KIFBP: variants seen among roughly 807,000 people sequenced by gnomAD.
KIFBP encodes kinesin family binding protein.
KIFBP carries 46 observed loss-of-function variants against 58.9 expected under a neutral mutation model. That is an observed-to-expected ratio of 0.78 (90% confidence interval 0.62 to 1.00). The LOEUF (loss-of-function observed/expected upper bound fraction) is 1.00. Among genes scored for constraint, KIFBP ranks in the 50% least tolerant of loss-of-function variants. KIFBP has a pLI of 0.00. For missense variants in KIFBP, 651 were observed against 752.9 expected, an observed-to-expected ratio of 0.86 and a Z score of 1.58; for synonymous variants, 241 against 283.4, an observed-to-expected ratio of 0.85 and a Z score of 1.50.
Position 68,988,830 on chromosome 10 carries a change from G to T in KIFBP, c.-3G>T. 6.2e-7 allele frequency: 1 copy of T among 1,614,258 alleles called. No homozygotes were observed. The highest frequency in any genetic ancestry group is 8.5e-7 in the Non-Finnish European group (1 of 1,180,044). Reference sequence around the variant, plus strand: ...TGAGGAAAGCCAGGCAGTAGAGGCCGCTATGGCGAACGTTCCGTGGGCAGA... The same window carrying T: ...TGAGGAAAGCCAGGCAGTAGAGGCCTCTATGGCGAACGTTCCGTGGGCAGA... On this transcript the variant is annotated 5_prime_UTR_variant, in exon 1 of 7. Coordinates refer to ENST00000361983, the MANE Select transcript of KIFBP (RefSeq NM_015634.4).
intron 3 of KIFBP, 58 bp from the exon 4 acceptor site, chr10:69,005,674 G>GGA: frequency 7.4e-7 from 1 of 1,342,514 alleles, no homozygotes; most frequent in Non-Finnish European, 1.0e-6. Context: ...CTCTGTCTCA[G>GGA]GAAAAAAAAA....
In KIFBP at chr10:68,998,771, A is replaced by ATAT. The variant is rs1357079794; in HGVS notation, c.427-1652_427-1651insATT. The stretch of plus-strand genomic sequence containing the variant: ...CATACATATATGTATATATATATAT[A>ATAT]TTTTTTTTTTTTTTTTTTTTTTGAG... On this transcript the variant is annotated intron_variant, in intron 1 of 6. Coordinates refer to ENST00000361983, the MANE Select transcript of KIFBP (RefSeq NM_015634.4). Among the ~76,000 whole-genome samples the ATAT allele has an allele frequency of 1.8e-3, 180 of 99,874 alleles. 2 individuals carry two copies. Among genetic ancestry groups the ATAT allele is most frequent in the East Asian group, 5.5e-3 (14 of 2,564 alleles). The allele number at this position is 99,874 out of a possible 152,430, so 65.5% of individuals were successfully genotyped here.
At position 69,011,681 on chromosome 10, in the gene KIFBP, ATCTTTT is replaced by A. The variant is rs1391338337; in HGVS notation, c.990+668_990+673del. The stretch of plus-strand genomic sequence containing the variant: ...TTACAGGTGTGAGCCACTGTGCCTA[ATCTTTT>A]TTTTTTTTTTTTTTTTTTTTTTTTT... On this transcript the variant is annotated intron_variant, in intron 6 of 6. Transcript: ENST00000361983. Among the ~76,000 whole-genome samples the A allele has an allele frequency of 5.1e-3, 486 of 96,130 alleles. 6 individuals carry two copies. Among genetic ancestry groups the A allele is most frequent in the African/African-American group, 0.02 (464 of 22,844 alleles). The allele number at this position is 96,130 out of a possible 152,430, so 63.1% of individuals were successfully genotyped here. A position where few individuals can be genotyped will look rare whatever the true frequency, so the allele number is the denominator to read the frequency against.
At chr10:69,005,594 TGAACCCAG>T (rs1726701937) in intron 3 of KIFBP, 130 bp from the exon 4 acceptor site, 3 of 659,516 alleles carry the variant, frequency 4.5e-6, no homozygotes, top group African/African-American at 3.7e-5. Flanking sequence ...GAGAATTGCT[TGAACCCAG>T]GAGGCGGAGG....
rs765711575 is a variant in KIFBP, at chr10:68,989,155, CGGAGGAGCTGTCGGCGGG to C, written c.332_349del (p.Leu111_Glu116del). On this transcript the variant is annotated inframe_deletion, in exon 1 of 7. Transcript: ENST00000361983. ...CACCTCGGGGTGAACCACATCGACACGGAGGAGCTGTCGGCGGGGGAGGAGCACCTGGTGAAATGCCTG... is the reference window on the plus strand; with the variant it reads ...CACCTCGGGGTGAACCACATCGACACGGAGGAGCACCTGGTGAAATGCCTG... The C allele has an allele frequency of 3.1e-6, 5 of 1,613,228 alleles. No individual in the cohort carries two copies. The African/African-American group carries it at 5.3e-5, about 17-fold the overall frequency.
chr10:69,008,391 A>AAAAAAAAAAAAAAATAT, intron 4 of KIFBP, among the ~76,000 whole-genome samples: 5 of 71,592 alleles, frequency 7.0e-5, no homozygotes, highest in African/African-American at 3.9e-4. Flanking sequence ...AAAAAAAAAA[A>AAAAAAAAAAAAAAATAT]ATATATATAT....
chr10:69,001,121 T>A (rs1283699747), intron 2 of KIFBP, among the ~76,000 whole-genome samples: 1 of 143,834 alleles, frequency 7.0e-6, no homozygotes, highest in East Asian at 2.0e-4. Context: ...TTTTCAATGA[T>A]TTTTTTTTTT....
intron 2 of KIFBP, among the ~76,000 whole-genome samples, chr10:69,003,654 G>A: frequency 6.6e-6 from 1 of 152,032 alleles, no homozygotes; most frequent in East Asian, 1.9e-4. Context: ...TTTTATAGAT[G>A]ACTAAACAGA....
At chr10:68,989,396 G>C in intron 1 of KIFBP, 138 bp downstream of exon 1, 1 of 959,174 alleles carries the variant, frequency 1.0e-6, no homozygotes, top group South Asian at 1.4e-5. Flanking sequence ...GAGTCCCAAA[G>C]AGCGTCTGTG....
At chr10:69,008,419 T>TATATATATATATATATATATATATA (rs1564637637) in intron 4 of KIFBP, among the ~76,000 whole-genome samples, 9 of 137,600 alleles carry the variant, frequency 6.5e-5, no homozygotes, top group African/African-American at 2.6e-4. Context: ...TATATATATA[T>TATATATATATATATATATATATATA]TCAGTCTTCT....
Position 69,015,948 on chromosome 10 carries a change from T to C in KIFBP, c.1398T>C (p.Tyr466=), listed in dbSNP as rs745389313. Residue 466 remains tyrosine, a synonymous_variant, in exon 7 of 7, where the codon TAT becomes TAC. Transcript: ENST00000361983. ...PLTVDLNPQY[Y]LLVNRQIQFE... ...CTGTAGACCTGAATCCACAGTATTATCTGTTGGTCAACAGACAGATCCAGT... is the reference window on the plus strand; with the variant it reads ...CTGTAGACCTGAATCCACAGTATTACCTGTTGGTCAACAGACAGATCCAGT... 3 of 1,614,200 alleles carry C rather than the reference T, an allele frequency of 1.9e-6. No homozygotes were observed. Among genetic ancestry groups the C allele is most frequent in the Non-Finnish European group, 2.5e-6 (3 of 1,180,036 alleles).
intron 1 of KIFBP, 93 bp from the exon 2 acceptor site, chr10:69,000,331 G>A (rs1423388429): frequency 1.2e-6 from 1 of 803,026 alleles, no homozygotes; most frequent in Admixed American, 1.7e-5. Flanking sequence ...TCTACTATTT[G>A]GTTGGTTATA....
In KIFBP at chr10:69,015,524, A is replaced by T. The variant is rs781589529; in HGVS notation, c.991-17A>T. 1.3e-6 allele frequency: 2 copies of T among 1,596,564 alleles called. No homozygotes were observed. Among genetic ancestry groups the T allele is most frequent in the Non-Finnish European group, 8.6e-7 (1 of 1,167,136 alleles). On this transcript the variant is annotated splice_polypyrimidine_tract_variant and intron_variant, in intron 6 of 6. Transcript: ENST00000361983. ...TGAGTGTCCTACTTAACCATAATTTATTTTTTTTTCCTTCAGGACAACATA... is the reference window on the plus strand; with the variant it reads ...TGAGTGTCCTACTTAACCATAATTTTTTTTTTTTTCCTTCAGGACAACATA...
In KIFBP at chr10:69,016,203, C is replaced by T. The variant is rs35893997; in HGVS notation, c.1653C>T (p.Ala551=). 101,573 of 1,612,732 alleles carry T rather than the reference C, an allele frequency of 0.063. 3,627 individuals carry two copies. The highest frequency in any genetic ancestry group is 0.12 in the Middle Eastern group (733 of 6,050). Residue 551 remains alanine (A), a synonymous_variant, in exon 7 of 7, where the codon GCC becomes GCT. Transcript: ENST00000361983. ...CCATGTTAGCTAAGTTTCGAGTTGC[C>T]CGTCTCTATGGCAAAATCATTACTG... ...RPAMLAKFRV[A]RLYGKIITAD... is the part of the protein sequence containing the mutation.
At chr10:69,003,717 T>G (rs1210255048) in intron 2 of KIFBP, among the ~76,000 whole-genome samples, 1 of 152,218 alleles carries the variant, frequency 6.6e-6, no homozygotes, top group African/African-American at 2.4e-5. Flanking sequence ...GAATCTGGTT[T>G]TAATGTCCCT....
chr10:69,005,166 A>G (rs1367563844), intron 3 of KIFBP, 41 bp downstream of exon 3: 6 of 1,352,834 alleles, frequency 4.4e-6, no homozygotes, highest in African/African-American at 2.9e-5. Context: ...ATATTTCCAC[A>G]TATCATAGAT....
At chr10:68,989,377 C>G (rs771132522) in intron 1 of KIFBP, 119 bp downstream of exon 1, 46 of 1,130,598 alleles carry the variant, frequency 4.1e-5, no homozygotes, top group Non-Finnish European at 5.7e-5. Context: ...GTTTTTGTAG[C>G]TCTGGACTGA....
intron 1 of KIFBP, among the ~76,000 whole-genome samples, chr10:68,992,370 A>G (rs1337515531): frequency 6.6e-6 from 1 of 152,218 alleles, no homozygotes; most frequent in African/African-American, 2.4e-5. Context: ...AAAATTTCTA[A>G]TAGCTTGAGA....
Position 69,016,727 on chromosome 10 carries a change from T to G in KIFBP, c.*311T>G. On this transcript the variant is annotated 3_prime_UTR_variant, in exon 7 of 7. Coordinates refer to ENST00000361983, the MANE Select transcript of KIFBP (RefSeq NM_015634.4). ...TATTTGTTGGCTAGTACTTGATAGA[T>G]TCCTTGTAAGAAAAAATGCTGGGTA... is the stretch of plus-strand genomic sequence containing the variant. 1 of 255,792 alleles carries G rather than the reference T, an allele frequency of 3.9e-6. No homozygotes were observed. Among genetic ancestry groups the G allele is most frequent in the Non-Finnish European group, 7.5e-6 (1 of 133,382 alleles). The allele number at this position is 255,792 out of a possible 1,614,324, so 15.8% of individuals were successfully genotyped here. A position where few individuals can be genotyped will look rare whatever the true frequency, so the allele number is the denominator to read the frequency against.
Sources: allele counts gnomAD v4.1 joint callset (sites outside exome capture counted in the v4.1 genomes callset), GRCh38; gene constraint gnomAD v4.1.1; transcripts MANE v1.5; gene names NCBI Gene and HGNC (gene_info 2026-07-23, HGNC 2026-07-21).